PPIP5K2: variants seen among roughly 807,000 people sequenced by gnomAD.
PPIP5K2 encodes the protein inositol hexakisphosphate and diphosphoinositol-pentakisphosphate kinase 2.
In PPIP5K2, 105 loss-of-function variants were observed where a neutral mutation model predicts 154.6. The ratio of observed to expected loss-of-function variants is 0.68; its 90% CI spans 0.58 to 0.80. PPIP5K2 has a LOEUF of 0.80. PPIP5K2 is among the 30% of genes least tolerant of loss of function. The probability of loss-of-function intolerance (pLI) is 0.00; values close to 1 mark genes in which losing one functional copy is unlikely to be tolerated. For synonymous variants in PPIP5K2, 480 were observed against 490.3 expected, an observed-to-expected ratio of 0.98 and a Z score of 0.28; for missense variants, 992 against 1,504.6, an observed-to-expected ratio of 0.66 and a Z score of 5.64.
chr5:103,195,673 T>G (rs890652510), intron 30 of PPIP5K2, among the ~76,000 whole-genome samples: 2 of 152,206 alleles, frequency 1.3e-5, no homozygotes, highest in Non-Finnish European at 2.9e-5. Context: ...TCTACTTTTC[T>G]TGTTTGATCA....
intron 2 of PPIP5K2, among the ~76,000 whole-genome samples, chr5:103,131,141 T>C (rs2149461244): frequency 6.6e-6 from 1 of 152,322 alleles, no homozygotes; most frequent in Middle Eastern, 3.4e-3. Flanking sequence ...CAGATTGGAA[T>C]ACTTCTTCCT....
intron 23 of PPIP5K2, among the ~76,000 whole-genome samples, chr5:103,179,248 A>T (rs1323840415): frequency 6.6e-6 from 1 of 151,562 alleles, no homozygotes; most frequent in Non-Finnish European, 1.5e-5. Context: ...GTTTTTATGT[A>T]CTCAGTTTAT....
intron 19 of PPIP5K2, among the ~76,000 whole-genome samples, chr5:103,169,278 A>G (rs2149681965): frequency 6.6e-6 from 1 of 151,932 alleles, no homozygotes. Context: ...TTATTTGGAT[A>G]TTGTAAAGAG....
In PPIP5K2 at chr5:103,201,761, T is replaced by A. The variant is rs1803060823; in HGVS notation, c.*127T>A. ...AAGGTTTTCTTTGTTTATGTTCAGG[T>A]AAGGAACTGTTGTCATGATCTGGAA... is the stretch of plus-strand genomic sequence containing the variant. On this transcript the variant is annotated 3_prime_UTR_variant, in exon 31 of 31. Transcript: ENST00000358359. 7.2e-6 allele frequency: 5 copies of A among 697,180 alleles called. No homozygotes were observed. Among genetic ancestry groups the A allele is most frequent in the Non-Finnish European group, 9.6e-6 (4 of 418,452 alleles). 43.2% of individuals were successfully genotyped at this position (697,180 alleles called of 1,614,324 possible).
chr5:103,189,461 C>T (rs781801836), intron 28 of PPIP5K2, among the ~76,000 whole-genome samples: 15 of 151,976 alleles, frequency 9.9e-5, no homozygotes, highest in Non-Finnish European at 1.2e-4. Flanking sequence ...AAGATCTCAT[C>T]GTTAAGTTTA....
At chr5:103,191,086 AG>A (rs1801160159) in intron 29 of PPIP5K2, 104 bp downstream of exon 29, 1 of 1,105,896 alleles carries the variant, frequency 9.0e-7, no homozygotes, top group Admixed American at 2.3e-5. Context: ...AGTGGTAATG[AG>A]TAGGAGTACA....
chr5:103,170,435 C>T (rs768790141), intron 19 of PPIP5K2, among the ~76,000 whole-genome samples: 13 of 151,356 alleles, frequency 8.6e-5, no homozygotes, highest in Non-Finnish European at 1.2e-4. Context: ...TTATTTTTCT[C>T]GGATAAGTTA....
intron 2 of PPIP5K2, 123 bp downstream of exon 2, chr5:103,129,826 C>A: frequency 7.9e-7 from 1 of 1,261,076 alleles, no homozygotes; most frequent in Non-Finnish European, 1.0e-6. Flanking sequence ...TGTTTCATGA[C>A]TGATGTTGTT....
intron 24 of PPIP5K2, 21 bp from the exon 25 acceptor site, chr5:103,183,213 T>TTTTTTTG: frequency 2.1e-6 from 1 of 465,806 alleles, no homozygotes. Context: ...TTTTTTTTTT[T>TTTTTTTG]GCCCCCTTTC....
At chr5:103,178,135 C>G (rs1554221605) in intron 23 of PPIP5K2, among the ~76,000 whole-genome samples, 155 bp downstream of exon 23, 1 of 151,952 alleles carries the variant, frequency 6.6e-6, no homozygotes, top group East Asian at 1.9e-4. Context: ...TTTGTATAGA[C>G]TGTACTTTTA....
chr5:103,120,944 T>C (rs1788577054), intron 1 of PPIP5K2: 1 of 158,408 alleles, frequency 6.3e-6, no homozygotes, highest in African/African-American at 2.4e-5. Context: ...GTGTTGCAGC[T>C]TTTCATAGTA....
chr5:103,196,052 C>T (rs567313370), intron 30 of PPIP5K2, among the ~76,000 whole-genome samples: 36 of 152,286 alleles, frequency 2.4e-4, no homozygotes, highest in Admixed American at 2.0e-3. Context: ...GTACTTGGCA[C>T]ACATTGTAAA....
intron 18 of PPIP5K2, 51 bp downstream of exon 18, chr5:103,167,371 T>G: frequency 7.2e-7 from 1 of 1,396,524 alleles, no homozygotes; most frequent in Non-Finnish European, 9.6e-7. Context: ...ACTATTCAAT[T>G]AAGCATTTAA....
intron 1 of PPIP5K2, 156 bp downstream of exon 1, chr5:103,120,644 C>T: frequency 2.7e-6 from 1 of 369,650 alleles, no homozygotes. Context: ...ACAGCCTGGG[C>T]GTGGAGTGAC....
chr5:103,146,687 AC>A lies in PPIP5K2; in HGVS notation c.642+8del, dbSNP rs782646106. The A allele has an allele frequency of 1.9e-6, 3 of 1,598,452 alleles. No individual in the cohort carries two copies. The highest frequency in any genetic ancestry group is 2.6e-6 in the Non-Finnish European group (3 of 1,172,960). ...GTCAAAGACTCTTTAGAAAGGTAAC[AC>A]CTTTGTAACTTTTGTATGAATACTC... On this transcript the variant is annotated splice_region_variant and intron_variant, in intron 6 of 30. Coordinates refer to ENST00000358359, the MANE Select transcript of PPIP5K2 (RefSeq NM_001276277.3).
chr5:103,167,571 C>T (rs1797327137), intron 18 of PPIP5K2, among the ~76,000 whole-genome samples: 1 of 151,852 alleles, frequency 6.6e-6, no homozygotes. Context: ...TATAGTTAAG[C>T]AGTGAGTAGA....
chr5:103,148,065 A>G, intron 7 of PPIP5K2, 33 bp downstream of exon 7: 1 of 1,413,070 alleles, frequency 7.1e-7, no homozygotes, highest in South Asian at 1.2e-5. Flanking sequence ...TTAGTTTTAT[A>G]TTTCAAGTTT....
In PPIP5K2 at chr5:103,201,662, T is replaced by C. The variant is rs1339182043; in HGVS notation, c.*28T>C. The C allele has an allele frequency of 4.8e-6, 7 of 1,446,506 alleles. No homozygotes were observed. The highest frequency in any genetic ancestry group is 5.7e-6 in the Non-Finnish European group (6 of 1,044,184). 89.6% of individuals were successfully genotyped at this position (1,446,506 alleles called of 1,614,324 possible). On this transcript the variant is annotated 3_prime_UTR_variant, in exon 31 of 31. Transcript: ENST00000358359. ...TCTTAGCAGAAGCTGGAACTTTTTA[T>C]ACTTATAAAAATAGTATGTTCTTAT... is the stretch of plus-strand genomic sequence containing the variant.
rs377749135 is a variant in PPIP5K2, at chr5:103,194,915, G to C, written c.3509G>C (p.Arg1170Pro). 2.5e-5 allele frequency: 40 copies of C among 1,611,476 alleles called. No homozygotes were observed. Among genetic ancestry groups the C allele is most frequent in the Non-Finnish European group, 3.1e-5 (37 of 1,178,850 alleles). The change falls in exon 30 of 31, where the codon CGT (arginine) becomes CCT (proline). Residue 1170 changes from arginine (R) to proline (P), a missense_variant. Around this residue, in one of 9 missense-constraint regions of PPIP5K2, gnomAD observed 131 missense variants for 117.8 expected, o/e 1.11. Coordinates refer to ENST00000358359, the MANE Select transcript of PPIP5K2 (RefSeq NM_001276277.3). ...TTTTTTTCAGCCTCTACAGCTTTAC[G>C]TTCCAGTCCAATAATGAGAAAAAAA... Reference protein sequence around the residue: ...KTAEISSTALRSSPIMRKKVS... With the variant: ...KTAEISSTALPSSPIMRKKVS...
Sources: allele counts gnomAD v4.1 joint callset (sites outside exome capture counted in the v4.1 genomes callset), GRCh38; gene constraint gnomAD v4.1.1; regional missense constraint gnomAD v4.1.1; transcripts MANE v1.5; gene names NCBI Gene and HGNC (gene_info 2026-07-23, HGNC 2026-07-21).